RUFY4: variants seen among roughly 807,000 people sequenced by gnomAD.
The protein encoded by RUFY4 is RUN and FYVE domain containing 4.
Under a neutral mutation model 69.0 loss-of-function variants are expected in RUFY4, and 73 were observed. That is an observed-to-expected ratio of 1.06 (90% CI 0.88 to 1.29). The LOEUF (loss-of-function observed/expected upper bound fraction) is 1.29. Ranked by LOEUF, RUFY4 falls within the 50% of genes most tolerant of loss-of-function variation. The pLI is 0.00. For missense variants in RUFY4, 770 were observed against 705.6 expected, an observed-to-expected ratio of 1.09 and a Z score of -1.03; for synonymous variants, 287 against 271.8, an observed-to-expected ratio of 1.06 and a Z score of -0.55.
upstream of RUFY4, among the ~76,000 whole-genome samples, chr2:218,066,434 C>G (rs985371229): frequency 2.6e-5 from 4 of 152,182 alleles, no homozygotes; most frequent in African/African-American, 9.7e-5. Flanking sequence ...CTCAGCCTCC[C>G]AAAGTGCTGG....
intron 9 of RUFY4, among the ~76,000 whole-genome samples, chr2:218,085,931 G>A (rs1206991549): frequency 1.3e-5 from 2 of 152,126 alleles, no homozygotes; most frequent in East Asian, 3.8e-4. Context: ...CACATAAAAT[G>A]ACAACCAAGG....
chr2:218,045,903 C>T (rs1360198787), intron 2 of RUFY4, among the ~76,000 whole-genome samples: 1 of 151,542 alleles, frequency 6.6e-6, no homozygotes, highest in Non-Finnish European at 1.5e-5. Context: ...CTCCGGGGTT[C>T]GCGCCATTCT....
At chr2:218,051,304 T>C (rs1688937589) in intron 2 of RUFY4, among the ~76,000 whole-genome samples, 1 of 152,184 alleles carries the variant, frequency 6.6e-6, no homozygotes, top group Admixed American at 6.5e-5. Context: ...TAGAAATTGT[T>C]CTGTAAAAAT....
At chr2:218,039,127 A>G (rs1016891776) in intron 2 of RUFY4, among the ~76,000 whole-genome samples, 1 of 152,102 alleles carries the variant, frequency 6.6e-6, no homozygotes, top group Non-Finnish European at 1.5e-5. Flanking sequence ...GTCTCTTTAA[A>G]CTTCCTGTCA....
rs375838069 is a variant in RUFY4 at position 218,052,112 on chromosome 2, G to A, written c.-1157-6483G>A. On this transcript the variant is annotated intron_variant and NMD_transcript_variant, in intron 2 of 13. Coordinates refer to the RUFY4 transcript ENST00000457754. Reference sequence around the variant, plus strand: ...TACAGGTCATACGTCACTGCCTCCTGCTCTTCTTCCTTGAAAAGATACATC... The same window carrying A: ...TACAGGTCATACGTCACTGCCTCCTACTCTTCTTCCTTGAAAAGATACATC... Among the ~76,000 whole-genome samples the A allele has an allele frequency of 1.8e-4, 27 of 152,268 alleles. No individual in the cohort carries two copies. In the East Asian group the frequency reaches 4.4e-3, roughly 25 times the overall value.
At chr2:218,038,040 C>T (rs1190834474) in intron 2 of RUFY4, among the ~76,000 whole-genome samples, 2 of 152,216 alleles carry the variant, frequency 1.3e-5, no homozygotes, top group Non-Finnish European at 2.9e-5. Flanking sequence ...CATTTAACCT[C>T]ATGTAATTAC....
intron 2 of RUFY4, among the ~76,000 whole-genome samples, chr2:218,037,896 A>C (rs1959002561): frequency 6.6e-6 from 1 of 152,252 alleles, no homozygotes; most frequent in African/African-American, 2.4e-5. Context: ...ACAAAAGTAC[A>C]TTTGGCCAAA....
chr2:218,053,662 A>T (rs974411630), intron 2 of RUFY4, among the ~76,000 whole-genome samples: 3 of 152,132 alleles, frequency 2.0e-5, no homozygotes, highest in Admixed American at 2.0e-4. Context: ...GGCGTCTGCC[A>T]CCGCGCCCGG....
At chr2:218,067,076 A>G (rs1250432305), upstream of RUFY4, among the ~76,000 whole-genome samples, 2 of 152,130 alleles carry the variant, frequency 1.3e-5, no homozygotes, top group African/African-American at 4.8e-5. Context: ...GTGAGATGAG[A>G]GAGGTCATTT....
chr2:218,070,160 G>A (rs1353514805), upstream of RUFY4: 6 of 216,810 alleles, frequency 2.8e-5, no homozygotes, highest in South Asian at 1.6e-4. Context: ...GAGCCCTCAC[G>A]GGGTCACTCA....
At chr2:218,036,723 C>G (rs1479657251) in intron 2 of RUFY4, among the ~76,000 whole-genome samples, 2 of 152,240 alleles carry the variant, frequency 1.3e-5, no homozygotes, top group Non-Finnish European at 2.9e-5. Flanking sequence ...GTAAGAGATT[C>G]ACCACGATGA....
intron 9 of RUFY4, among the ~76,000 whole-genome samples, chr2:218,085,156 C>G (rs1689863063): frequency 2.0e-5 from 3 of 152,138 alleles, no homozygotes; most frequent in Non-Finnish European, 1.5e-5. Context: ...CAGCACTGAG[C>G]ATATTGGTAG....
At chr2:218,056,229 G>GTTTTTTTTTTTT (rs796703457) in intron 2 of RUFY4, among the ~76,000 whole-genome samples, 3 of 128,812 alleles carry the variant, frequency 2.3e-5, no homozygotes, top group Non-Finnish European at 1.7e-5. Context: ...GCTGGTTGTT[G>GTTTTTTTTTTTT]TTTTTTTTTT....
At chr2:218,082,584 G>A (rs1315663797) in intron 8 of RUFY4, among the ~76,000 whole-genome samples, 3 of 152,184 alleles carry the variant, frequency 2.0e-5, no homozygotes, top group South Asian at 2.1e-4. Flanking sequence ...CACACACACT[G>A]TGCAGTTCAG....
At chr2:218,080,096 G>A (rs993392002) in intron 8 of RUFY4, among the ~76,000 whole-genome samples, 2 of 152,324 alleles carry the variant, frequency 1.3e-5, no homozygotes, top group Admixed American at 6.5e-5. Context: ...GAAGACATGC[G>A]TTTGTTGACA....
intron 2 of RUFY4, among the ~76,000 whole-genome samples, chr2:218,041,908 T>G (rs1052701385): frequency 6.6e-6 from 1 of 152,238 alleles, no homozygotes; most frequent in Non-Finnish European, 1.5e-5. Flanking sequence ...GAGCAAGCAG[T>G]ATAGCGTTAT....
chr2:218,082,997 G>A (rs990733285), intron 8 of RUFY4, 113 bp from the exon 11 acceptor site: 75 of 1,296,154 alleles, frequency 5.8e-5, no homozygotes, highest in Middle Eastern at 2.7e-4. Context: ...TTCAGCTGCC[G>A]GGGGCATCAC....
intron 3 of RUFY4, chr2:218,060,673 A>G: frequency 7.5e-7 from 1 of 1,332,644 alleles, no homozygotes. Flanking sequence ...GATGACCCAC[A>G]TGGTCCAGTG....
At chr2:218,064,999 C>T (rs2106040677), upstream of RUFY4, among the ~76,000 whole-genome samples, 1 of 152,278 alleles carries the variant, frequency 6.6e-6, no homozygotes, top group Non-Finnish European at 1.5e-5. Flanking sequence ...TCTGGGCAGG[C>T]AGTCCTAGCG....
Sources: gnomAD v4.1 joint callset for allele counts (sites outside exome capture counted in the v4.1 genomes callset) on GRCh38, gnomAD v4.1.1 for gene constraint, MANE v1.5 for transcripts, NCBI Gene and HGNC (gene_info 2026-07-23, HGNC 2026-07-21) for gene names.